MMRN1: variants seen among roughly 807,000 people sequenced by gnomAD.
The protein encoded by MMRN1 is multimerin 1.
Under a neutral mutation model 100.7 loss-of-function variants are expected in MMRN1, and 94 were observed. The observed-to-expected ratio is 0.93, with a 90% CI of 0.79 to 1.11. The LOEUF is 1.11. MMRN1 is among the 50% of genes least tolerant of loss of function. MMRN1 has a pLI of 0.00. For synonymous variants in MMRN1, 575 were observed against 505.0 expected, an observed-to-expected ratio of 1.14 and a Z score of -1.86; for missense variants, 1,606 against 1,439.1, an observed-to-expected ratio of 1.12 and a Z score of -1.88.
intron 3 of MMRN1, among the ~76,000 whole-genome samples, chr4:89,921,970 C>A (rs993488128): frequency 2.0e-5 from 3 of 152,132 alleles, no homozygotes; most frequent in African/African-American, 7.2e-5. Context: ...CGGCTAGACA[C>A]AAAACACTTG....
At chr4:89,951,527 G>C (rs1723173607) in intron 6 of MMRN1, 78 bp from the exon 7 acceptor site, 1 of 1,380,544 alleles carries the variant, frequency 7.2e-7, no homozygotes, top group Non-Finnish European at 9.5e-7. Context: ...TTCCTATTCT[G>C]CTGCAAACTA....
chr4:89,932,754 G>A (rs1197890360), intron 5 of MMRN1, among the ~76,000 whole-genome samples: 1 of 152,112 alleles, frequency 6.6e-6, no homozygotes, highest in African/African-American at 2.4e-5. Flanking sequence ...GCACAAAGCA[G>A]CAAGGCCCCC....
At chr4:89,902,851 A>G (rs1721436753) in intron 1 of MMRN1, among the ~76,000 whole-genome samples, 2 of 152,036 alleles carry the variant, frequency 1.3e-5, no homozygotes. Context: ...ATTTATTTAT[A>G]TGATTCTTTT....
At chr4:89,919,554 CTTAT>C (rs1259507243) in intron 3 of MMRN1, among the ~76,000 whole-genome samples, 4 of 151,560 alleles carry the variant, frequency 2.6e-5, no homozygotes, top group South Asian at 4.2e-4. Flanking sequence ...AGAAATGTAA[CTTAT>C]TTATTTTATA....
Position 89,935,387 on chromosome 4 carries a change from T to C in MMRN1, c.1707T>C (p.Ile569=). ...TGCAAATGTTTGAAGATTTGCACAT[T>C]CAAGAAAGCAAGATTAACAATCTCA... The part of the protein sequence containing the change: ...MMLQMFEDLH[I]QESKINNLTV... Residue 569 remains isoleucine (I), a synonymous_variant, in exon 6 of 8, where the codon ATT becomes ATC. Transcript: ENST00000264790. 1 of 1,613,314 alleles carries C rather than the reference T, an allele frequency of 6.2e-7. No homozygotes were observed. Among genetic ancestry groups the C allele is most frequent in the Non-Finnish European group, 8.5e-7 (1 of 1,179,700 alleles).
chr4:89,889,325 A>C (rs560223287), intron 1 of MMRN1, among the ~76,000 whole-genome samples: 1 of 152,112 alleles, frequency 6.6e-6, no homozygotes, highest in Non-Finnish European at 1.5e-5. Flanking sequence ...AAGACACAGA[A>C]TTATGTGCCG....
chr4:89,929,169 C>G (rs568046593), intron 5 of MMRN1, among the ~76,000 whole-genome samples: 1 of 152,210 alleles, frequency 6.6e-6, no homozygotes, highest in Admixed American at 6.5e-5. Flanking sequence ...TTGTATGAAA[C>G]TTGTCTGTTT....
At chr4:89,922,358 A>G (rs2011543) in intron 3 of MMRN1, among the ~76,000 whole-genome samples, 91,164 of 151,966 alleles carry the variant, frequency 0.6, 27,730 homozygotes, top group East Asian at 0.77. Flanking sequence ...CACCTGCCTC[A>G]GCCTCCCAAA....
chr4:89,951,100 T>A (rs1018754101), intron 6 of MMRN1, among the ~76,000 whole-genome samples: 24 of 152,158 alleles, frequency 1.6e-4, no homozygotes, highest in South Asian at 4.1e-4. Context: ...AAGAATTTTT[T>A]AAAATTTTAA....
rs750319971 is a variant in MMRN1 at position 89,936,320 on chromosome 4, TA to T, written c.2646del (p.Gly883AlafsTer3). The part of the protein sequence containing the change: ...QTLIPYYISV[K>X]KGSVVTNERD... ...CGCTCATACCTTATTATATTTCAGTTAAAAAAGGCAGTGTAGTTACAAATGA... is the reference window on the plus strand; with the variant it reads ...CGCTCATACCTTATTATATTTCAGTTAAAAAGGCAGTGTAGTTACAAATGA... On this transcript the variant is annotated frameshift_variant, in exon 6 of 8. Transcript: ENST00000264790. LOFTEE classifies it high-confidence loss of function. The T allele has an allele frequency of 2.5e-6, 4 of 1,612,622 alleles. No homozygotes were observed. The highest frequency in any genetic ancestry group is 3.4e-6 in the Non-Finnish European group (4 of 1,179,446).
Sources: allele counts gnomAD v4.1 joint callset (sites outside exome capture counted in the v4.1 genomes callset), GRCh38; gene constraint gnomAD v4.1.1; transcripts MANE v1.5; gene names NCBI Gene and HGNC (gene_info 2026-07-23, HGNC 2026-07-21).